The following SLC37A3 variants were observed in gnomAD, a reference collection of about 807,000 sequenced individuals.
SLC37A3 encodes sugar phosphate exchanger 3.
A neutral mutation model predicts 67.1 loss-of-function variants in SLC37A3; 51 were observed. The ratio of observed to expected loss-of-function variants is 0.76; its 90% CI spans 0.61 to 0.96. SLC37A3 has a LOEUF of 0.96. Among genes scored for constraint, SLC37A3 ranks in the 40% least tolerant of loss-of-function variants. The pLI, the probability that SLC37A3 is intolerant of heterozygous loss-of-function variation, is 0.00. For missense variants in SLC37A3, 508 were observed against 603.0 expected, an observed-to-expected ratio of 0.84 and a Z score of 1.65; for synonymous variants, 214 against 231.4, an observed-to-expected ratio of 0.92 and a Z score of 0.68.
chr7:140,364,122 G>GTTCCT (rs766749680), intron 5 of SLC37A3, among the ~76,000 whole-genome samples: 7 of 152,046 alleles, frequency 4.6e-5, no homozygotes, highest in Non-Finnish European at 8.8e-5. Flanking sequence ...GTGGTGAGCT[G>GTTCCT]TACCTATAGT....
chr7:140,339,666 T>C (rs1796279844), intron 13 of SLC37A3, among the ~76,000 whole-genome samples: 2 of 152,044 alleles, frequency 1.3e-5, no homozygotes, highest in African/African-American at 4.8e-5. Flanking sequence ...AGAAGCTGCA[T>C]CATTTTGCAT....
At chr7:140,356,150 C>T (rs11764137) in intron 6 of SLC37A3, among the ~76,000 whole-genome samples, 5,127 of 150,816 alleles carry the variant, frequency 0.034, 118 homozygotes, top group Non-Finnish European at 0.049. Flanking sequence ...GCCGAGATCA[C>T]GCCACTGCAC....
At chr7:140,391,695 A>G (rs550247403) in intron 1 of SLC37A3, among the ~76,000 whole-genome samples, 2 of 152,228 alleles carry the variant, frequency 1.3e-5, no homozygotes, top group Non-Finnish European at 2.9e-5. Flanking sequence ...CAGATAAACT[A>G]TAAGTCTGCC....
intron 1 of SLC37A3, among the ~76,000 whole-genome samples, chr7:140,397,495 G>A (rs1280367796): frequency 6.6e-6 from 1 of 151,964 alleles, no homozygotes; most frequent in Non-Finnish European, 1.5e-5. Context: ...CGCCCAACCC[G>A]AAGCTCAATT....
intron 5 of SLC37A3, among the ~76,000 whole-genome samples, chr7:140,362,514 T>C (rs1201380916): frequency 7.9e-6 from 1 of 126,460 alleles, no homozygotes. Context: ...TGAGGACCCC[T>C]CTGCCCGGCC....
rs775058470 is a variant in SLC37A3, at chr7:140,358,657, G to A, written c.504C>T (p.Asn168=). 2.5e-6 allele frequency: 4 copies of A among 1,614,146 alleles called. No homozygotes were observed. Among genetic ancestry groups the A allele is most frequent in the African/African-American group, 1.3e-5 (1 of 75,044 alleles). The change falls in exon 6 of 15, where the codon AAC becomes AAT. Residue 168 remains asparagine (N), a synonymous_variant. Coordinates refer to ENST00000326232, the MANE Select transcript of SLC37A3 (RefSeq NM_207113.3). The stretch of plus-strand genomic sequence containing the variant: ...TGGCATACCCGGCTTTCCCAAACCA[G>A]TTGCCCATAACAGCAACCACACAGG... ...GWPCVVAVMG[N]WFGKAGRGVV... is the part of the protein sequence containing the mutation.
chr7:140,372,805 C>A (rs1398161452), intron 3 of SLC37A3, among the ~76,000 whole-genome samples: 2 of 151,418 alleles, frequency 1.3e-5, no homozygotes, highest in Non-Finnish European at 2.9e-5. Context: ...GGAGGTTTCA[C>A]TGAATCGAGA....
intron 3 of SLC37A3, among the ~76,000 whole-genome samples, chr7:140,375,973 C>T (rs1798016199): frequency 6.6e-6 from 1 of 152,204 alleles, no homozygotes; most frequent in African/African-American, 2.4e-5. Flanking sequence ...GCCCACCAGA[C>T]TCATCAGGAC....
intron 3 of SLC37A3, among the ~76,000 whole-genome samples, chr7:140,370,916 C>G (rs1289697103): frequency 1.3e-5 from 2 of 152,140 alleles, no homozygotes; most frequent in African/African-American, 4.8e-5. Context: ...TCTTCATAGG[C>G]ACACATAGAA....
chr7:140,398,261 A>G (rs1170188825), intron 1 of SLC37A3, among the ~76,000 whole-genome samples, 155 bp downstream of exon 1: 1 of 152,068 alleles, frequency 6.6e-6, no homozygotes, highest in Non-Finnish European at 1.5e-5. Context: ...AGGGAGGAGA[A>G]GGAGGGGGCG....
In SLC37A3 at chr7:140,347,219, G is replaced by A. The variant is rs545949948; in HGVS notation, c.1025-1249C>T. Among the ~76,000 whole-genome samples the A allele has an allele frequency of 5.4e-5, 8 of 148,614 alleles. No individual in the cohort carries two copies. The East Asian group carries it at 9.8e-4, about 18-fold the overall frequency. ...TGAGCCAAGATCGTGCCACTCCAGC[G>A]TGGGCGACAGAGCAGTACCCCCATC... is the stretch of plus-strand genomic sequence containing the variant. On this transcript the variant is annotated intron_variant, in intron 10 of 14. Coordinates refer to ENST00000326232, the MANE Select transcript of SLC37A3 (RefSeq NM_207113.3).
In SLC37A3 at chr7:140,359,481, G is replaced by A. The variant is rs527820700; in HGVS notation, c.376-696C>T. On this transcript the variant is annotated intron_variant, in intron 5 of 14. Transcript: ENST00000326232. ...CGAGCCCAGGGAGGCCACCTTTCCCGGAGCAGTGCCAGGTGCTGCTATGGG... is the reference window on the plus strand; with the variant it reads ...CGAGCCCAGGGAGGCCACCTTTCCCAGAGCAGTGCCAGGTGCTGCTATGGG... 1.2e-4 allele frequency among the ~76,000 whole-genome samples: 19 copies of A among 152,324 alleles called. No homozygotes were observed. The East Asian group carries it at 3.3e-3, about 26-fold the overall frequency.
chr7:140,368,133 A>AC, intron 4 of SLC37A3, among the ~76,000 whole-genome samples: 1 of 149,924 alleles, frequency 6.7e-6, no homozygotes, highest in Non-Finnish European at 1.5e-5. Context: ...TTACCACTCC[A>AC]CCCCCGCTAC....
At chr7:140,364,166 G>A (rs879855150) in intron 5 of SLC37A3, among the ~76,000 whole-genome samples, 6 of 151,692 alleles carry the variant, frequency 4.0e-5, no homozygotes, top group Admixed American at 2.0e-4. Context: ...CAGCAGAATC[G>A]CTTGAACATG....
intron 5 of SLC37A3, among the ~76,000 whole-genome samples, chr7:140,363,908 A>G (rs1017447887): frequency 2.6e-5 from 4 of 152,108 alleles, no homozygotes; most frequent in Non-Finnish European, 5.9e-5. Context: ...ACTATTAATT[A>G]ACTCTGCTGG....
intron 6 of SLC37A3, among the ~76,000 whole-genome samples, chr7:140,358,319 T>C (rs1361371974): frequency 1.3e-5 from 2 of 152,044 alleles, no homozygotes; most frequent in African/African-American, 4.8e-5. Context: ...ACATGATGGA[T>C]AGTAAATGAG....
chr7:140,357,928 T>G (rs1797100168), intron 6 of SLC37A3, among the ~76,000 whole-genome samples: 1 of 144,748 alleles, frequency 6.9e-6, no homozygotes, highest in South Asian at 2.2e-4. Flanking sequence ...AAAAAAAAAT[T>G]AGCTGGACAT....
At chr7:140,343,262 TG>T in intron 13 of SLC37A3, 149 bp downstream of exon 13, 1 of 1,000,482 alleles carries the variant, frequency 1.0e-6, no homozygotes, top group Non-Finnish European at 1.5e-6. Context: ...ACGCATCAGC[TG>T]GTCCTGAGGG....
chr7:140,346,969 T>C (rs1408199195), intron 10 of SLC37A3, among the ~76,000 whole-genome samples: 3 of 151,394 alleles, frequency 2.0e-5, no homozygotes, highest in African/African-American at 7.3e-5. Flanking sequence ...TACAGTATAT[T>C]GAGGCCAGTA....
Sources: allele counts gnomAD v4.1 joint callset (sites outside exome capture counted in the v4.1 genomes callset), GRCh38; gene constraint gnomAD v4.1.1; transcripts MANE v1.5; gene names NCBI Gene and HGNC (gene_info 2026-07-23, HGNC 2026-07-21).